Variants in MYCBP2 observed in about 807,000 individuals in gnomAD.
The protein encoded by MYCBP2 is E3 ubiquitin-protein ligase MYCBP2.
Under a neutral mutation model 525.3 loss-of-function variants are expected in MYCBP2, and 120 were observed. The observed-to-expected ratio is 0.23, with a 90% CI of 0.20 to 0.27. The LOEUF (loss-of-function observed/expected upper bound fraction) is 0.27. MYCBP2 is among the 10% of genes least tolerant of loss of function. The pLI, the probability that MYCBP2 is intolerant of heterozygous loss-of-function variation, is 1.00. For missense variants in MYCBP2, 4,149 were observed against 5,657.1 expected (o/e 0.73, Z 8.55); for synonymous variants, 1,894 against 1,955.8 (o/e 0.97, Z 0.83).
Position 77,240,541 on chromosome 13 carries a change from G to C in MYCBP2, c.2629+2518C>G, listed in dbSNP as rs564110079. Among the ~76,000 whole-genome samples, 5 of 152,292 alleles carry C rather than the reference G, an allele frequency of 3.3e-5. No homozygotes were observed. In the South Asian group the frequency reaches 1.0e-3, roughly 32 times the overall value. ...GAGAATCGCTTGAACCTGGGAGGGA[G>C]AGGTTGCAGTGGGCCAAGATTGTGC... On this transcript the variant is annotated intron_variant, in intron 17 of 82. Coordinates refer to ENST00000544440, the MANE Select transcript of MYCBP2 (RefSeq NM_015057.5).
At chr13:77,178,203 T>C (rs1466157915) in intron 34 of MYCBP2, among the ~76,000 whole-genome samples, 1 of 152,216 alleles carries the variant, frequency 6.6e-6, no homozygotes, top group African/African-American at 2.4e-5. Context: ...ACTTAATTTA[T>C]AATGTCAGAA....
chr13:77,142,160 G>T (rs760987235), intron 49 of MYCBP2, among the ~76,000 whole-genome samples: 1 of 151,974 alleles, frequency 6.6e-6, no homozygotes, highest in African/African-American at 2.4e-5. Context: ...GTCATTCTTG[G>T]CTATTTCTAC....
At chr13:77,214,070 A>G (rs1320826569) in intron 21 of MYCBP2, among the ~76,000 whole-genome samples, 1 of 152,232 alleles carries the variant, frequency 6.6e-6, no homozygotes, top group Non-Finnish European at 1.5e-5. Context: ...AATACTAAAT[A>G]TGGATCCGAA....
At chr13:77,050,808 CATG>C (rs2036640581) in intron 82 of MYCBP2, among the ~76,000 whole-genome samples, 186 bp downstream of exon 82, 1 of 152,196 alleles carries the variant, frequency 6.6e-6, no homozygotes, top group African/African-American at 2.4e-5. Context: ...ACTTCTCACT[CATG>C]ATGATGAGCC....
At position 77,065,982 on chromosome 13, in the gene MYCBP2, G is replaced by A. The variant is rs1296009609; in HGVS notation, c.12552+10C>T. 1 of 1,602,248 alleles carries A rather than the reference G, an allele frequency of 6.2e-7. No individual in the cohort carries two copies. Among genetic ancestry groups the A allele is most frequent in the South Asian group, 1.1e-5 (1 of 89,210 alleles). ...CACTTCACTGCCAAAACAGAAGAAT[G>A]GGAACTTACTGCTGCCATATCCTTG... is the stretch of plus-strand genomic sequence containing the variant. On this transcript the variant is annotated intron_variant, in intron 72 of 82. Coordinates refer to ENST00000544440, the MANE Select transcript of MYCBP2 (RefSeq NM_015057.5).
In MYCBP2 at chr13:77,326,906, T is replaced by A; in HGVS notation, c.-131A>T. ...CCTCTGGCTCCCGCAGCAGGGAGAC[T>A]ACAAAGACAGCGACCTCCTTCTCCT... On this transcript the variant is annotated 5_prime_UTR_variant, in exon 1 of 83. The change abolishes the stop of an existing upstream ORF in the 5' untranslated region. Transcript: ENST00000544440. The surrounding 1 kb of genome is among the most constrained non-coding windows in gnomAD (Gnocchi z 4.2). 1.2e-6 allele frequency: 1 copy of A among 831,774 alleles called. No individual in the cohort carries two copies. Among genetic ancestry groups the A allele is most frequent in the Non-Finnish European group, 1.7e-6 (1 of 600,622 alleles). The allele number at this position is 831,774 out of a possible 1,614,324, so 51.5% of individuals were successfully genotyped here.
intron 21 of MYCBP2, among the ~76,000 whole-genome samples, chr13:77,213,795 A>T (rs1236322055): frequency 1.3e-5 from 2 of 152,206 alleles, no homozygotes; most frequent in Non-Finnish European, 2.9e-5. Context: ...CAAAAGACAC[A>T]AAAATATGCT....
At chr13:77,116,655 A>T (rs2049834402) in intron 55 of MYCBP2, among the ~76,000 whole-genome samples, 2 of 151,988 alleles carry the variant, frequency 1.3e-5, no homozygotes, top group Non-Finnish European at 2.9e-5. Context: ...GCTAATTGAA[A>T]CATAGCTAAG....
intron 51 of MYCBP2, 148 bp downstream of exon 51, chr13:77,139,899 A>G (rs2054339371): frequency 1.9e-6 from 1 of 529,120 alleles, no homozygotes; most frequent in Non-Finnish European, 3.3e-6. Context: ...TTGAAACTCA[A>G]TGAACACATT....
intron 13 of MYCBP2, among the ~76,000 whole-genome samples, chr13:77,258,189 C>T (rs1051899059): frequency 6.6e-6 from 1 of 152,152 alleles, no homozygotes; most frequent in African/African-American, 2.4e-5. Flanking sequence ...CTGCTTTGAC[C>T]TGCCTCAGCA....
At chr13:77,082,067 A>G in intron 63 of MYCBP2, 74 bp from the exon 64 acceptor site, 3 of 1,282,022 alleles carry the variant, frequency 2.3e-6, no homozygotes, top group Non-Finnish European at 3.2e-6. Flanking sequence ...TTAGATGAGT[A>G]CTCTGTAGCT....
intron 59 of MYCBP2, 151 bp downstream of exon 59, chr13:77,093,014 G>A: frequency 1.5e-6 from 1 of 650,536 alleles, no homozygotes; most frequent in African/African-American, 1.9e-5. Context: ...CCTTACCTTA[G>A]TCATACATGT....
chr13:77,124,921 A>G (rs1016369757), intron 54 of MYCBP2, among the ~76,000 whole-genome samples: 3 of 152,180 alleles, frequency 2.0e-5, no homozygotes, highest in Non-Finnish European at 4.4e-5. Flanking sequence ...GCATTTATTC[A>G]ATGCTCTTTC....
chr13:77,138,546 A>C (rs958199760), intron 52 of MYCBP2, among the ~76,000 whole-genome samples: 4 of 152,206 alleles, frequency 2.6e-5, no homozygotes, highest in African/African-American at 7.2e-5. Context: ...AAAAGGAAAA[A>C]TCATTCTTTC....
At chr13:77,204,914 G>C (rs972187685) in intron 26 of MYCBP2, among the ~76,000 whole-genome samples, 2 of 106,202 alleles carry the variant, frequency 1.9e-5, no homozygotes, top group African/African-American at 3.6e-5. Context: ...GGGGGGAGGG[G>C]GGAGGGATAG....
In MYCBP2 at chr13:77,150,800, C is replaced by T. The variant is rs1388095789; in HGVS notation, c.7065G>A (p.Lys2355=). The T allele has an allele frequency of 6.2e-6, 10 of 1,613,976 alleles. No individual in the cohort carries two copies. The highest frequency in any genetic ancestry group is 8.5e-6 in the Non-Finnish European group (10 of 1,180,008). ...DMTYGGLASP[K]LDVSYEPMIV... ...TCATTGGTTCATATGAAACATCTAG[C>T]TTTGGTGATGCCAGCCCTCCATAAG... Residue 2355 remains lysine (K), a synonymous_variant, in exon 47 of 83, where the codon AAG becomes AAA. Coordinates refer to ENST00000544440, the MANE Select transcript of MYCBP2 (RefSeq NM_015057.5).
chr13:77,325,828 T>C (rs1314035427), intron 1 of MYCBP2, among the ~76,000 whole-genome samples: 1 of 152,104 alleles, frequency 6.6e-6, no homozygotes, highest in East Asian at 1.9e-4. Context: ...GCTCTAAAAA[T>C]CTCTATCAGA....
chr13:77,204,167 C>T (rs2062998015), intron 26 of MYCBP2, among the ~76,000 whole-genome samples: 1 of 151,654 alleles, frequency 6.6e-6, no homozygotes, highest in South Asian at 2.1e-4. Flanking sequence ...GGCTAATATC[C>T]AGAATCTACA....
intron 1 of MYCBP2, among the ~76,000 whole-genome samples, chr13:77,297,463 G>A (rs1005834737): frequency 3.3e-5 from 5 of 152,078 alleles, no homozygotes; most frequent in African/African-American, 9.7e-5. Context: ...GGATGAAGTC[G>A]GGGGGAAGAG....
Sources: gnomAD v4.1 joint callset for allele counts (sites outside exome capture counted in the v4.1 genomes callset) on GRCh38, gnomAD v4.1.1 for gene constraint, Gnocchi (gnomAD v3.1) non-coding constraint, MANE v1.5 for transcripts, NCBI Gene and HGNC (gene_info 2026-07-23, HGNC 2026-07-21) for gene names.